The following GOLPH3 variants were observed in gnomAD, a reference collection of about 807,000 sequenced individuals.
The protein encoded by GOLPH3 is coat protein GPP34.
GOLPH3 carries 14 observed loss-of-function variants against 28.5 expected under a neutral mutation model. The ratio of observed to expected loss-of-function variants is 0.49; its 90% CI spans 0.32 to 0.77. The LOEUF (loss-of-function observed/expected upper bound fraction) is 0.77, where lower values mean the gene tolerates loss of function less well. Among genes scored for constraint, GOLPH3 ranks in the 30% least tolerant of loss-of-function variants. The pLI, the probability that GOLPH3 is intolerant of heterozygous loss-of-function variation, is 0.03. For synonymous variants in GOLPH3, 158 were observed against 159.2 expected (o/e 0.99, Z 0.06); for missense variants, 350 against 393.7 (o/e 0.89, Z 0.94).
chr5:32,173,347 A>G (rs1746890006), intron 1 of GOLPH3, among the ~76,000 whole-genome samples: 1 of 151,046 alleles, frequency 6.6e-6, no homozygotes, highest in South Asian at 2.1e-4. Flanking sequence ...AAGAAGAAGA[A>G]AAAAAAAACA....
intron 1 of GOLPH3, among the ~76,000 whole-genome samples, chr5:32,147,877 C>G (rs1290231346): frequency 6.6e-6 from 1 of 152,216 alleles, no homozygotes; most frequent in Non-Finnish European, 1.5e-5. Flanking sequence ...TTCAAATCAA[C>G]TCCAGCTCTA....
Position 32,126,431 on chromosome 5 carries a change from C to T in GOLPH3, c.678G>A (p.Val226=). ...KVQEAVLDKW[V]NDPHRMDRRL... ...GCCTGTCCATGCGGTGAGGGTCATTCACCCATTTGTCAAGAACGGCTTCCT... is the reference window on the plus strand; with the variant it reads ...GCCTGTCCATGCGGTGAGGGTCATTTACCCATTTGTCAAGAACGGCTTCCT... Residue 226 remains valine, a synonymous_variant, in exon 4 of 4, where the codon GTG becomes GTA. Coordinates refer to ENST00000265070, the MANE Select transcript of GOLPH3 (RefSeq NM_022130.4). 6.8e-6 allele frequency: 11 copies of T among 1,614,170 alleles called. No homozygotes were observed. The highest frequency in any genetic ancestry group is 9.3e-6 in the Non-Finnish European group (11 of 1,180,042).
At chr5:32,143,469 A>T (rs566240856) in intron 2 of GOLPH3, among the ~76,000 whole-genome samples, 49 of 151,938 alleles carry the variant, frequency 3.2e-4, no homozygotes, top group East Asian at 1.2e-3. Context: ...ATAATAAAAT[A>T]AAATTAAAAA....
intron 1 of GOLPH3, among the ~76,000 whole-genome samples, chr5:32,146,070 T>C (rs1287382891): frequency 2.0e-5 from 3 of 151,950 alleles, no homozygotes; most frequent in African/African-American, 7.3e-5. Flanking sequence ...GGCAAGCAGA[T>C]TGCTTGAGCC....
chr5:32,168,505 T>C (rs528667004), intron 1 of GOLPH3, among the ~76,000 whole-genome samples: 1 of 152,198 alleles, frequency 6.6e-6, no homozygotes. Flanking sequence ...CTACAAGCAT[T>C]AGAAACATTA....
intron 1 of GOLPH3, among the ~76,000 whole-genome samples, chr5:32,167,060 A>T (rs1337576000): frequency 1.3e-5 from 2 of 152,224 alleles, no homozygotes; most frequent in Non-Finnish European, 2.9e-5. Flanking sequence ...CCTCCAGGGT[A>T]TTTAAGATTT....
chr5:32,130,063 G>C (rs61151261), intron 3 of GOLPH3, among the ~76,000 whole-genome samples: 1 of 152,196 alleles, frequency 6.6e-6, no homozygotes, highest in African/African-American at 2.4e-5. Context: ...GGATGGTCTC[G>C]ATCTCCTGAC....
intron 1 of GOLPH3, among the ~76,000 whole-genome samples, chr5:32,169,642 C>T (rs940263110): frequency 6.6e-6 from 1 of 152,142 alleles, no homozygotes; most frequent in Admixed American, 6.5e-5. Context: ...CTCAATAAAG[C>T]ATCCTGAAAA....
intron 1 of GOLPH3, among the ~76,000 whole-genome samples, chr5:32,147,065 G>A (rs966760552): frequency 2.6e-5 from 4 of 152,058 alleles, no homozygotes; most frequent in Non-Finnish European, 4.4e-5. Context: ...ATATTAATAC[G>A]TATGTATATC....
intron 1 of GOLPH3, among the ~76,000 whole-genome samples, chr5:32,154,110 A>G (rs527523254): frequency 3.3e-5 from 5 of 152,382 alleles, no homozygotes; most frequent in Admixed American, 2.6e-4. Flanking sequence ...AGTAATTAAT[A>G]TAAGTGAATG....
chr5:32,132,143 G>A (rs942158672), intron 3 of GOLPH3, among the ~76,000 whole-genome samples: 1 of 152,144 alleles, frequency 6.6e-6, no homozygotes, highest in African/African-American at 2.4e-5. Context: ...GTGATGGCGA[G>A]ACTTTGTCCC....
Position 32,125,862 on chromosome 5 carries a change from C to A in GOLPH3, c.*350G>T, listed in dbSNP as rs1745664961. On this transcript the variant is annotated 3_prime_UTR_variant, in exon 4 of 4. Coordinates refer to ENST00000265070, the MANE Select transcript of GOLPH3 (RefSeq NM_022130.4). Reference sequence around the variant, plus strand: ...AGGCAGAATGCTAGATGTACATGCACATATGGAGAAACTCAAGCTGAGGTC... The same window carrying A: ...AGGCAGAATGCTAGATGTACATGCAAATATGGAGAAACTCAAGCTGAGGTC... 1 of 212,454 alleles carries A rather than the reference C, an allele frequency of 4.7e-6. No homozygotes were observed. Among genetic ancestry groups the A allele is most frequent in the African/African-American group, 2.3e-5 (1 of 42,904 alleles). 13.2% of individuals were successfully genotyped at this position (212,454 alleles called of 1,614,324 possible).
At chr5:32,134,154 G>A (rs1745883750) in intron 3 of GOLPH3, among the ~76,000 whole-genome samples, 1 of 152,214 alleles carries the variant, frequency 6.6e-6, no homozygotes, top group South Asian at 2.1e-4. Flanking sequence ...AGCACCACTG[G>A]AGGCCAGGAG....
At chr5:32,142,588 C>T (rs1420568331) in intron 2 of GOLPH3, among the ~76,000 whole-genome samples, 12 of 138,702 alleles carry the variant, frequency 8.7e-5, no homozygotes, top group African/African-American at 2.7e-4. Flanking sequence ...CCGCCCTGTC[C>T]GGGAGGGAGG....
chr5:32,152,617 A>C (rs1024624348), intron 1 of GOLPH3, among the ~76,000 whole-genome samples: 21 of 151,178 alleles, frequency 1.4e-4, no homozygotes, highest in Admixed American at 1.2e-3. Flanking sequence ...TGCTGTCTCT[A>C]CTAAAAATAC....
At chr5:32,141,371 T>C in intron 2 of GOLPH3, among the ~76,000 whole-genome samples, 1 of 152,176 alleles carries the variant, frequency 6.6e-6, no homozygotes, top group East Asian at 1.9e-4. Context: ...ATATTTGAGA[T>C]TGAGGTTGAA....
intron 1 of GOLPH3, among the ~76,000 whole-genome samples, chr5:32,156,523 G>A (rs1746430712): frequency 1.3e-5 from 2 of 151,728 alleles, no homozygotes; most frequent in African/African-American, 4.8e-5. Flanking sequence ...AAAATCTGTT[G>A]TTTATAAGTC....
intron 1 of GOLPH3, among the ~76,000 whole-genome samples, chr5:32,152,813 A>C (rs1375508471): frequency 1.3e-5 from 2 of 152,032 alleles, no homozygotes; most frequent in South Asian, 2.1e-4. Context: ...ACAAAAAAAA[A>C]ACCCAAAAGC....
At chr5:32,161,215 C>A (rs1274178497) in intron 1 of GOLPH3, among the ~76,000 whole-genome samples, 1 of 150,312 alleles carries the variant, frequency 6.7e-6, no homozygotes, top group Non-Finnish European at 1.5e-5. Flanking sequence ...CCAACTTGGG[C>A]AACACAGCAA....
Sources: gnomAD v4.1 joint callset for allele counts (sites outside exome capture counted in the v4.1 genomes callset) on GRCh38, gnomAD v4.1.1 for gene constraint, MANE v1.5 for transcripts, NCBI Gene and HGNC (gene_info 2026-07-23, HGNC 2026-07-21) for gene names.